L3MBTL4: variants seen among roughly 807,000 people sequenced by gnomAD.
L3MBTL4 encodes the protein lethal(3)malignant brain tumor-like protein 4.
In L3MBTL4, 70 loss-of-function variants were observed where a neutral mutation model predicts 84.5. The observed-to-expected ratio is 0.83, with a 90% CI of 0.68 to 1.01. The LOEUF (loss-of-function observed/expected upper bound fraction) is 1.01. Ranked by LOEUF, L3MBTL4 falls within the 50% of genes least tolerant of loss-of-function variation. L3MBTL4 has a pLI of 0.00. For synonymous variants in L3MBTL4, 274 were observed against 259.8 expected (o/e 1.05, Z -0.52); for missense variants, 715 against 754.8 (o/e 0.95, Z 0.62).
chr18:5,968,857 C>T (rs866673020), intron 17 of L3MBTL4, among the ~76,000 whole-genome samples: 1 of 152,124 alleles, frequency 6.6e-6, no homozygotes, highest in Non-Finnish European at 1.5e-5. Flanking sequence ...ATAAATGAAG[C>T]GAAGGTGGGC....
At chr18:6,153,765 T>C (rs1289123410) in intron 13 of L3MBTL4, among the ~76,000 whole-genome samples, 3 of 152,194 alleles carry the variant, frequency 2.0e-5, no homozygotes, top group Non-Finnish European at 2.9e-5. Flanking sequence ...GGTGGTTTTA[T>C]AAATGACAGT....
chr18:5,982,826 T>C (rs1418383633), intron 16 of L3MBTL4, among the ~76,000 whole-genome samples: 1 of 152,206 alleles, frequency 6.6e-6, no homozygotes, highest in Non-Finnish European at 1.5e-5. Flanking sequence ...TGTTTTCCCA[T>C]TTATGTGAAT....
At chr18:6,218,469 G>C (rs1448868362) in intron 10 of L3MBTL4, among the ~76,000 whole-genome samples, 1 of 152,080 alleles carries the variant, frequency 6.6e-6, no homozygotes, top group Non-Finnish European at 1.5e-5. Flanking sequence ...CTGAGTGTAG[G>C]GGACTAAGGA....
chr18:6,280,388 T>C (rs2049272910), intron 4 of L3MBTL4, among the ~76,000 whole-genome samples: 1 of 152,212 alleles, frequency 6.6e-6, no homozygotes, highest in Admixed American at 6.5e-5. Context: ...TGCCCTGACT[T>C]GAATTACAAT....
chr18:6,253,423 C>G (rs765730925), intron 5 of L3MBTL4, among the ~76,000 whole-genome samples: 2 of 152,142 alleles, frequency 1.3e-5, no homozygotes, highest in East Asian at 3.9e-4. Flanking sequence ...ATAATGAGGA[C>G]CTCAGCCAGT....
At chr18:6,094,319 A>T (rs1053955038) in intron 14 of L3MBTL4, among the ~76,000 whole-genome samples, 2 of 152,218 alleles carry the variant, frequency 1.3e-5, no homozygotes, top group African/African-American at 4.8e-5. Context: ...CAGGGAAGAC[A>T]CACCCAAGAC....
At chr18:6,378,191 T>C (rs1433129938) in intron 1 of L3MBTL4, among the ~76,000 whole-genome samples, 1 of 152,218 alleles carries the variant, frequency 6.6e-6, no homozygotes, top group Non-Finnish European at 1.5e-5. Flanking sequence ...TAAATTTGTT[T>C]AAGTTCTTTG....
intron 12 of L3MBTL4, among the ~76,000 whole-genome samples, chr18:6,208,485 A>G (rs2045965055): frequency 6.6e-6 from 1 of 152,242 alleles, no homozygotes; most frequent in African/African-American, 2.4e-5. Context: ...AGTAGAACTT[A>G]TTAAAGCATC....
intron 14 of L3MBTL4, among the ~76,000 whole-genome samples, chr18:6,132,774 A>G (rs2059911361): frequency 6.6e-6 from 1 of 152,200 alleles, no homozygotes; most frequent in Admixed American, 6.5e-5. Context: ...AGTTCAGAGA[A>G]GCTGCTGGAA....
intron 10 of L3MBTL4, among the ~76,000 whole-genome samples, chr18:6,234,289 T>C (rs182433753): frequency 0.014 from 2,163 of 152,188 alleles, 57 homozygotes; most frequent in African/African-American, 0.05. Flanking sequence ...CCAAAAGCAA[T>C]GGCAACAAAA....
intron 4 of L3MBTL4, among the ~76,000 whole-genome samples, chr18:6,296,107 GC>G (rs1190123514): frequency 6.6e-6 from 1 of 152,122 alleles, no homozygotes; most frequent in Admixed American, 6.6e-5. Flanking sequence ...TAATTACTTT[GC>G]AAGAAAGTGC....
At chr18:6,322,002 C>A (rs1414564272) in intron 1 of L3MBTL4, among the ~76,000 whole-genome samples, 1 of 152,044 alleles carries the variant, frequency 6.6e-6, no homozygotes, top group Non-Finnish European at 1.5e-5. Flanking sequence ...CACCACTATA[C>A]AATTTATCCA....
At chr18:6,165,554 C>G (rs186767584) in intron 13 of L3MBTL4, among the ~76,000 whole-genome samples, 1 of 152,202 alleles carries the variant, frequency 6.6e-6, no homozygotes, top group East Asian at 1.9e-4. Flanking sequence ...GAATTTTCAA[C>G]CCAAAATTTC....
chr18:6,146,836 C>T (rs1439637663), intron 13 of L3MBTL4, among the ~76,000 whole-genome samples: 4 of 152,044 alleles, frequency 2.6e-5, no homozygotes, highest in Non-Finnish European at 5.9e-5. Context: ...GGTGATAGGC[C>T]AGTATCCCAG....
At chr18:6,074,986 A>G (rs2146032985) in intron 16 of L3MBTL4, among the ~76,000 whole-genome samples, 1 of 152,248 alleles carries the variant, frequency 6.6e-6, no homozygotes, top group Non-Finnish European at 1.5e-5. Flanking sequence ...AATGGAGGCA[A>G]TTTCCTCAAT....
chr18:5,958,148 GAAGAAGAAGA>G (rs2095243270), intron 18 of L3MBTL4, among the ~76,000 whole-genome samples: 12 of 66,984 alleles, frequency 1.8e-4, no homozygotes, highest in African/African-American at 6.2e-4. Context: ...AGAAGAAGAA[GAAGAAGAAGA>G]ACAAGAAGAA....
intron 16 of L3MBTL4, among the ~76,000 whole-genome samples, chr18:6,013,372 G>A (rs548231533): frequency 1.3e-5 from 2 of 152,278 alleles, no homozygotes; most frequent in African/African-American, 4.8e-5. Flanking sequence ...CAATTGGCTG[G>A]AACACAGTCT....
In L3MBTL4 at chr18:6,414,406, T is replaced by G. The variant is rs759597116; in HGVS notation, c.-91+395A>C. Among the ~76,000 whole-genome samples the G allele has an allele frequency of 2.6e-5, 4 of 151,882 alleles. No individual in the cohort carries two copies. The highest frequency in any genetic ancestry group is 5.9e-5 in the Non-Finnish European group (4 of 67,952). On this transcript the variant is annotated intron_variant, in intron 1 of 18. Coordinates refer to ENST00000317931, the MANE Select transcript of L3MBTL4 (RefSeq NM_001330559.2). This position sits in a 1 kb window ranked among gnomAD's most constrained non-coding sequence, Gnocchi z 5.4. ...TGGCCGGAGGACTGCCTGGGGGCCCTCAGGAGTCCCGTCCCGTCCCGCTCC... is the reference window on the plus strand; with the variant it reads ...TGGCCGGAGGACTGCCTGGGGGCCCGCAGGAGTCCCGTCCCGTCCCGCTCC...
At chr18:6,198,180 C>T (rs986374160) in intron 12 of L3MBTL4, among the ~76,000 whole-genome samples, 2 of 152,178 alleles carry the variant, frequency 1.3e-5, no homozygotes, top group Non-Finnish European at 2.9e-5. Context: ...GTGAAAAACA[C>T]AACTTGAACA....
Sources: allele counts gnomAD v4.1 joint callset (sites outside exome capture counted in the v4.1 genomes callset), GRCh38; gene constraint gnomAD v4.1.1; non-coding constraint Gnocchi (gnomAD v3.1); transcripts MANE v1.5; gene names NCBI Gene and HGNC (gene_info 2026-07-23, HGNC 2026-07-21).